The following STOX2 variants were observed in gnomAD, a reference collection of about 807,000 sequenced individuals.
STOX2 encodes the protein storkhead box 2.
A neutral mutation model predicts 60.9 loss-of-function variants in STOX2; 28 were observed. That is an observed-to-expected ratio of 0.46 (90% confidence interval 0.34 to 0.63). STOX2 has a LOEUF of 0.63. Ranked by LOEUF, STOX2 falls within the 30% of genes least tolerant of loss-of-function variation. The pLI, the probability that STOX2 is intolerant of heterozygous loss-of-function variation, is 0.01. For synonymous variants in STOX2, 472 were observed against 463.9 expected (o/e 1.02, Z -0.22); for missense variants, 1,024 against 1,187.7 (o/e 0.86, Z 2.03).
At chr4:183,840,948 A>G (rs956211727) in intron 1 of STOX2, among the ~76,000 whole-genome samples, 4 of 152,084 alleles carry the variant, frequency 2.6e-5, no homozygotes, top group Admixed American at 6.5e-5. Flanking sequence ...GCTCGCTGCA[A>G]TCTCCGCCTC....
At chr4:183,814,342 A>G (rs2111103875) in intron 1 of STOX2, among the ~76,000 whole-genome samples, 1 of 152,364 alleles carries the variant, frequency 6.6e-6, no homozygotes, top group South Asian at 2.1e-4. Flanking sequence ...GATGGGAAAG[A>G]ATAACAATAA....
intron 1 of STOX2, among the ~76,000 whole-genome samples, chr4:183,879,478 G>C (rs1410153191): frequency 6.6e-6 from 1 of 152,196 alleles, no homozygotes; most frequent in Admixed American, 6.5e-5. Flanking sequence ...GCGGCTGGGC[G>C]CTGGGATACA....
At position 183,806,776 on chromosome 4, in the gene STOX2, C is replaced by T. The variant is rs1229762053; in HGVS notation, c.364+8721C>T. Among the ~76,000 whole-genome samples the T allele has an allele frequency of 6.6e-6, 1 of 152,172 alleles. No homozygotes were observed. Among genetic ancestry groups the T allele is most frequent in the Non-Finnish European group, 1.5e-5 (1 of 68,034 alleles). On this transcript the variant is annotated intron_variant, in intron 1 of 2. Transcript: ENST00000513034. This position sits in a 1 kb window ranked among gnomAD's most constrained non-coding sequence, Gnocchi z 4.1. Reference sequence around the variant, plus strand: ...CTTTCTACTTCTAAATAAGGTCCGCCGCCGTCCAAATTTTGAGGAAACAAA... The same window carrying T: ...CTTTCTACTTCTAAATAAGGTCCGCTGCCGTCCAAATTTTGAGGAAACAAA...
chr4:184,007,407 G>A (rs964222062), intron 2 of STOX2, among the ~76,000 whole-genome samples: 4 of 152,156 alleles, frequency 2.6e-5, no homozygotes, highest in South Asian at 2.1e-4. Flanking sequence ...CTGGTTTTCC[G>A]TGGGTCCCGA....
intron 1 of STOX2, among the ~76,000 whole-genome samples, chr4:183,908,539 C>T (rs536547866): frequency 6.6e-6 from 1 of 150,762 alleles, no homozygotes; most frequent in Non-Finnish European, 1.5e-5. Context: ...ATCATTTCAT[C>T]GACAAACCTG....
Position 184,010,384 on chromosome 4 carries a change from T to C in STOX2, c.1546T>C (p.Cys516Arg). ...GACGCCGGAAGACCTTGCTGAAGGC[T>C]GCAGCCAAGACGACCAGACCCCCAG... ...LGTPEDLAEGCSQDDQTPSQS... is the reference protein window; with the variant it reads ...LGTPEDLAEGRSQDDQTPSQS... The change falls in exon 3 of 4, where the codon TGC (cysteine) becomes CGC (arginine). Residue 516 changes from cysteine (C) to arginine (R), a missense_variant. Physicochemically the swap from Cys to Arg is radical, Grantham distance 180. This residue lies in a region of STOX2 where 922 missense variants were observed against 1,058.3 expected (regional missense o/e 0.87). Transcript: ENST00000308497. The surrounding 1 kb of genome is among the most constrained non-coding windows in gnomAD (Gnocchi z 4.5). 6 of 1,613,366 alleles carry C rather than the reference T, an allele frequency of 3.7e-6. No homozygotes were observed. The highest frequency in any genetic ancestry group is 5.1e-6 in the Non-Finnish European group (6 of 1,179,638).
At chr4:183,858,851 T>G (rs1342589308) in intron 1 of STOX2, among the ~76,000 whole-genome samples, 4 of 152,220 alleles carry the variant, frequency 2.6e-5, no homozygotes, top group African/African-American at 4.8e-5. Flanking sequence ...ATATAATACT[T>G]TTTTTTCATG....
intron 1 of STOX2, among the ~76,000 whole-genome samples, chr4:183,955,088 G>T (rs1303605968): frequency 1.3e-5 from 2 of 152,188 alleles, no homozygotes; most frequent in Non-Finnish European, 2.9e-5. Context: ...ATTTCTAAAT[G>T]TGCTTGTAAT....
At chr4:183,940,300 G>A (rs1742719016) in intron 1 of STOX2, among the ~76,000 whole-genome samples, 1 of 152,160 alleles carries the variant, frequency 6.6e-6, no homozygotes, top group African/African-American at 2.4e-5. Flanking sequence ...AAACTGCTAG[G>A]GCAAAAGAAA....
rs1308316336 is a variant in STOX2 at position 183,906,967 on chromosome 4, G to T, written c.166+11G>T. The T allele has an allele frequency of 3.3e-6, 5 of 1,518,732 alleles. No individual in the cohort carries two copies. In the East Asian group the frequency reaches 1.3e-4, roughly 38 times the overall value. The allele number at this position is 1,518,732 out of a possible 1,614,324, so 94.1% of individuals were successfully genotyped here. ...GCTACATGACATCAGGTTGGTTGGT[G>T]ACCGCGTTTCTGCCCCCGGGCCGGG... is the stretch of plus-strand genomic sequence containing the variant. On this transcript the variant is annotated intron_variant, in intron 1 of 3. Transcript: ENST00000308497.
chr4:183,957,147 GTAT>G (rs1743272854), intron 1 of STOX2, among the ~76,000 whole-genome samples: 1 of 81,764 alleles, frequency 1.2e-5, no homozygotes, highest in African/African-American at 3.9e-5. Context: ...AAAACTTAAA[GTAT>G]AATAATAATA....
intron 1 of STOX2, among the ~76,000 whole-genome samples, chr4:183,911,932 A>G (rs1335250403): frequency 6.6e-6 from 1 of 152,166 alleles, no homozygotes; most frequent in Admixed American, 6.5e-5. Flanking sequence ...GATATAGTCT[A>G]CTCCAAATTG....
rs1284938185 is a variant in STOX2 at position 184,011,626 on chromosome 4, A to G, written c.2585+203A>G. 5.3e-6 allele frequency: 8 copies of G among 1,513,706 alleles called. No homozygotes were observed. Among genetic ancestry groups the G allele is most frequent in the African/African-American group, 4.1e-5 (3 of 72,524 alleles). The allele number at this position is 1,513,706 out of a possible 1,614,324, so 93.8% of individuals were successfully genotyped here. Reference sequence around the variant, plus strand: ...GTTTCTGCACCTGTAGAGATCACCAATCTGGACTGGTGGGTTGGCTCCTCC... The same window carrying G: ...GTTTCTGCACCTGTAGAGATCACCAGTCTGGACTGGTGGGTTGGCTCCTCC... On this transcript the variant is annotated intron_variant, in intron 3 of 3. Transcript: ENST00000308497. The surrounding 1 kb of genome is among the most constrained non-coding windows in gnomAD (Gnocchi z 4.4).
rs1010729416 is a variant in STOX2 at position 184,021,045 on chromosome 4, C to T, written c.*3761C>T. ...GTGTACTTGAAAATAAAGTTTTTAA[C>T]TTAAATTACAAGCATATTGCTCATA... On this transcript the variant is annotated 3_prime_UTR_variant, in exon 4 of 4. Coordinates refer to ENST00000308497, the MANE Select transcript of STOX2 (RefSeq NM_020225.3). The T allele has an allele frequency of 2.0e-5, 3 of 152,212 alleles. No individual in the cohort carries two copies. The highest frequency in any genetic ancestry group is 4.4e-5 in the Non-Finnish European group (3 of 68,042). The allele number at this position is 152,212 out of a possible 1,614,324, so 9.4% of individuals were successfully genotyped here.
At chr4:183,936,101 A>T (rs887460195) in intron 1 of STOX2, among the ~76,000 whole-genome samples, 2 of 152,200 alleles carry the variant, frequency 1.3e-5, no homozygotes, top group African/African-American at 4.8e-5. Context: ...ATAAATTTCA[A>T]CATGAAATCT....
intron 1 of STOX2, among the ~76,000 whole-genome samples, chr4:183,912,200 T>G (rs1741800644): frequency 1.3e-5 from 2 of 152,206 alleles, no homozygotes; most frequent in South Asian, 4.1e-4. Context: ...GTTCCATCTA[T>G]CCTCCTTATG....
At chr4:183,979,100 T>C (rs924711671) in intron 1 of STOX2, among the ~76,000 whole-genome samples, 4 of 152,220 alleles carry the variant, frequency 2.6e-5, no homozygotes, top group African/African-American at 7.2e-5. Flanking sequence ...CTTGTGACTC[T>C]GCAGGCTGTA....
chr4:183,832,840 G>T (rs1482247139), intron 1 of STOX2, among the ~76,000 whole-genome samples: 3 of 152,228 alleles, frequency 2.0e-5, no homozygotes, highest in African/African-American at 7.2e-5. Context: ...CTGACTCTCG[G>T]CTCAATTAAA....
At chr4:183,897,044 T>G (rs1365311459) in intron 1 of STOX2, among the ~76,000 whole-genome samples, 1 of 152,166 alleles carries the variant, frequency 6.6e-6, no homozygotes, top group African/African-American at 2.4e-5. Context: ...TGTTGAAGCT[T>G]GGCAGTGGAA....
Sources: gnomAD v4.1 joint callset for allele counts (sites outside exome capture counted in the v4.1 genomes callset) on GRCh38, gnomAD v4.1.1 for gene constraint, gnomAD v4.1.1 regional missense constraint, Gnocchi (gnomAD v3.1) non-coding constraint, MANE v1.5 for transcripts, NCBI Gene and HGNC (gene_info 2026-07-23, HGNC 2026-07-21) for gene names.